The following ZBTB11 variants were observed in gnomAD, a reference collection of about 807,000 sequenced individuals.
The protein encoded by ZBTB11 is zinc finger and BTB domain containing 11.
In ZBTB11, 68 loss-of-function variants were observed where a neutral mutation model predicts 113.1. The ratio of observed to expected loss-of-function variants is 0.60; its 90% confidence interval spans 0.49 to 0.74. ZBTB11 has a LOEUF of 0.74. Ranked by LOEUF, ZBTB11 falls within the 30% of genes least tolerant of loss-of-function variation. The probability of loss-of-function intolerance (pLI) is 0.00; values close to 1 mark genes in which losing one functional copy is unlikely to be tolerated. For missense variants in ZBTB11, 1,104 were observed against 1,279.4 expected, an observed-to-expected ratio of 0.86 and a Z score of 2.09; for synonymous variants, 518 against 452.6, an observed-to-expected ratio of 1.14 and a Z score of -1.83.
Position 101,652,479 on chromosome 3 carries a change from ATATAAAG to A in ZBTB11, c.2644+10_2644+16del, listed in dbSNP as rs1230641793. 2 of 1,610,216 alleles carry A rather than the reference ATATAAAG, an allele frequency of 1.2e-6. No homozygotes were observed. On this transcript the variant is annotated intron_variant, in intron 10 of 10. Transcript: ENST00000312938. ...CTTTTATTCTATAAGGATACATATA[ATATAAAG>A]TATAGTTACCTTCATGGTTGTTCAT... is the stretch of plus-strand genomic sequence containing the variant.
In ZBTB11 at chr3:101,665,721, G is replaced by A. The variant is rs1936986852; in HGVS notation, c.866C>T (p.Ala289Val). 6.2e-7 allele frequency: 1 copy of A among 1,614,176 alleles called. No individual in the cohort carries two copies. ...SFDFCSMADV[A>V]ILARHLFMSE... ...CATGAAAAGATGACGAGCTAAGATG[G>A]CTACATCAGCCATGCTACAGAAATC... is the stretch of plus-strand genomic sequence containing the variant. The change falls in exon 4 of 11, where the codon GCC becomes GTC. Residue 289 changes from alanine (A) to valine (V), a missense_variant. Coordinates refer to ENST00000312938, the MANE Select transcript of ZBTB11 (RefSeq NM_014415.4).
At chr3:101,658,506 G>C (rs1936835215) in intron 6 of ZBTB11, among the ~76,000 whole-genome samples, 2 of 152,196 alleles carry the variant, frequency 1.3e-5, no homozygotes, top group East Asian at 1.9e-4. Context: ...ACAGGTGTGA[G>C]CCACACTGTA....
At chr3:101,676,469 G>A in intron 1 of ZBTB11, 136 bp downstream of exon 1, 2 of 920,156 alleles carry the variant, frequency 2.2e-6, no homozygotes, top group East Asian at 3.3e-5. Context: ...CACCCTCTCG[G>A]CTCCGCCTGG....
At position 101,664,610 on chromosome 3, in the gene ZBTB11, C is replaced by A; in HGVS notation, c.1728G>T (p.Met576Ile). ...TAAGGGCGTATCGTCTCTGAAAAAC[C>A]ATTCCACATTCCCCACATTTATGAG... Reference protein sequence around the residue: ...EASHKCGECGMVFQRRYALIM... With the variant: ...EASHKCGECGIVFQRRYALIM... The change falls in exon 5 of 11, where the codon ATG (methionine) becomes ATT (isoleucine). Residue 576 changes from methionine to isoleucine, a missense_variant. Physicochemically the swap from Met to Ile is conservative, Grantham distance 10 (BLOSUM62 1). Transcript: ENST00000312938. The A allele has an allele frequency of 6.2e-7, 1 of 1,613,800 alleles. No homozygotes were observed. Among genetic ancestry groups the A allele is most frequent in the Non-Finnish European group, 8.5e-7 (1 of 1,179,882 alleles).
intron 5 of ZBTB11, chr3:101,662,106 C>T (rs1272830647): frequency 6.6e-6 from 1 of 151,456 alleles, no homozygotes; most frequent in Non-Finnish European, 1.5e-5. Context: ...AAGAGTAGAA[C>T]AAGGAGTTCG....
chr3:101,660,347 G>A (rs756999119), intron 5 of ZBTB11, among the ~76,000 whole-genome samples: 1 of 152,144 alleles, frequency 6.6e-6, no homozygotes, highest in Non-Finnish European at 1.5e-5. Flanking sequence ...ACAGGAGTAG[G>A]GGCTGGAAAT....
Position 101,659,766 on chromosome 3 carries a change from A to G in ZBTB11, c.2046+17T>C, listed in dbSNP as rs757568355. The stretch of plus-strand genomic sequence containing the variant: ...TCTAATGTTCTTTAAATAGCAAAAT[A>G]AACGTTATAGCTTTACCTGGCATGC... On this transcript the variant is annotated intron_variant, in intron 6 of 10. Coordinates refer to ENST00000312938, the MANE Select transcript of ZBTB11 (RefSeq NM_014415.4). 2 of 1,611,972 alleles carry G rather than the reference A, an allele frequency of 1.2e-6. No individual in the cohort carries two copies. The highest frequency in any genetic ancestry group is 8.5e-7 in the Non-Finnish European group (1 of 1,178,276).
Position 101,677,067 on chromosome 3 carries a change from A to G in ZBTB11, c.-153T>C, listed in dbSNP as rs2108332080. The G allele has an allele frequency of 1.2e-6, 1 of 850,652 alleles. No homozygotes were observed. Among genetic ancestry groups the G allele is most frequent in the Admixed American group, 3.5e-5 (1 of 28,180 alleles). 52.7% of individuals were successfully genotyped at this position (850,652 alleles called of 1,614,324 possible). A position where few individuals can be genotyped will look rare whatever the true frequency, so the allele number is the denominator to read the frequency against. ...TTCGACGGCTCCCTTAGTCCGAAGGAAAAGCGGGCGAGTTGGTAACCAGGG... is the reference window on the plus strand; with the variant it reads ...TTCGACGGCTCCCTTAGTCCGAAGGGAAAGCGGGCGAGTTGGTAACCAGGG... On this transcript the variant is annotated 5_prime_UTR_variant, in exon 1 of 11. Transcript: ENST00000312938.
chr3:101,650,707 TTTC>T lies in ZBTB11; in HGVS notation c.*456_*458del, dbSNP rs1221342875. ...CTATTGAAATGCTTTATATTAGAAT[TTTC>T]TTTTTAATCCATAAACAGGGCAAAT... On this transcript the variant is annotated 3_prime_UTR_variant, in exon 11 of 11. Coordinates refer to ENST00000312938, the MANE Select transcript of ZBTB11 (RefSeq NM_014415.4). The T allele has an allele frequency of 6.5e-6, 1 of 153,050 alleles. No homozygotes were observed. The highest frequency in any genetic ancestry group is 1.5e-5 in the Non-Finnish European group (1 of 68,436). 9.5% of individuals were successfully genotyped at this position (153,050 alleles called of 1,614,324 possible). A position where few individuals can be genotyped will look rare whatever the true frequency, so the allele number is the denominator to read the frequency against.
intron 5 of ZBTB11, among the ~76,000 whole-genome samples, chr3:101,662,869 T>C (rs7644519): frequency 0.91 from 138,354 of 151,986 alleles, 63,087 homozygotes; most frequent in East Asian, 1. Flanking sequence ...TCAAGCCATC[T>C]TTCTGCCTTA....
intron 1 of ZBTB11, among the ~76,000 whole-genome samples, chr3:101,673,639 G>A (rs1051047564): frequency 2.6e-5 from 4 of 151,676 alleles, no homozygotes; most frequent in African/African-American, 7.3e-5. Context: ...TCAGCCTCCC[G>A]AGTAGCTGGG....
In ZBTB11 at chr3:101,676,651, G is replaced by C. The variant is rs765033306; in HGVS notation, c.264C>G (p.Thr88=). 6.3e-7 allele frequency: 1 copy of C among 1,576,016 alleles called. No homozygotes were observed. The highest frequency in any genetic ancestry group is 8.6e-7 in the Non-Finnish European group (1 of 1,159,594). The part of the protein sequence containing the change: ...AHLGPGGTHH[T]RHQTWHYLSK... ...ACAAGTAGTGCCAGGTCTGATGCCG[G>C]GTGTGGTGAGTGCCGCCGGGACCCA... Residue 88 remains threonine, a synonymous_variant, in exon 1 of 11, where the codon ACC becomes ACG. Transcript: ENST00000312938.
rs756116569 is a variant in ZBTB11, at chr3:101,659,770, G to A, written c.2046+13C>T. On this transcript the variant is annotated intron_variant, in intron 6 of 10. Coordinates refer to ENST00000312938, the MANE Select transcript of ZBTB11 (RefSeq NM_014415.4). ...ATGTTCTTTAAATAGCAAAATAAAC[G>A]TTATAGCTTTACCTGGCATGCATGT... 13 of 1,613,292 alleles carry A rather than the reference G, an allele frequency of 8.1e-6. No homozygotes were observed. Among genetic ancestry groups the A allele is most frequent in the Middle Eastern group, 1.6e-4 (1 of 6,062 alleles).
chr3:101,657,861 G>A (rs529622876), intron 6 of ZBTB11, among the ~76,000 whole-genome samples: 103 of 152,078 alleles, frequency 6.8e-4, no homozygotes, highest in African/African-American at 2.4e-3. Context: ...AAATTAGGTG[G>A]GTGTGGTGGC....
intron 3 of ZBTB11, among the ~76,000 whole-genome samples, chr3:101,666,752 A>T (rs1426518237): frequency 6.6e-6 from 1 of 151,888 alleles, no homozygotes; most frequent in Non-Finnish European, 1.5e-5. Flanking sequence ...TTATTTATTT[A>T]TTTTTGTTTA....
chr3:101,667,300 A>C (rs111336459), intron 3 of ZBTB11, among the ~76,000 whole-genome samples: 2 of 152,182 alleles, frequency 1.3e-5, no homozygotes, highest in Non-Finnish European at 2.9e-5. Context: ...TTGGCATCTC[A>C]AAGTCCTTGG....
intron 1 of ZBTB11, 58 bp from the exon 2 acceptor site, chr3:101,672,271 T>C (rs1937096885): frequency 4.0e-6 from 5 of 1,238,002 alleles, no homozygotes; most frequent in Non-Finnish European, 5.7e-6. Context: ...ACAGAATATA[T>C]TATTTAGTCT....
chr3:101,666,346 A>T (rs1214145789), intron 3 of ZBTB11, among the ~76,000 whole-genome samples: 2 of 152,258 alleles, frequency 1.3e-5, no homozygotes, highest in Non-Finnish European at 2.9e-5. Context: ...TAAACATTGC[A>T]GGCCATGAGA....
intron 7 of ZBTB11, 106 bp from the exon 8 acceptor site, chr3:101,654,927 G>C (rs927228025): frequency 1.3e-6 from 1 of 795,216 alleles, no homozygotes; most frequent in Non-Finnish European, 2.1e-6. Context: ...AGGTTGGATG[G>C]AGTGCAGTGG....
Sources: gnomAD v4.1 joint callset for allele counts (sites outside exome capture counted in the v4.1 genomes callset) on GRCh38, gnomAD v4.1.1 for gene constraint, MANE v1.5 for transcripts, NCBI Gene and HGNC (gene_info 2026-07-23, HGNC 2026-07-21) for gene names.